NAV2: variants seen among roughly 807,000 people sequenced by gnomAD.
NAV2 encodes the protein neuron navigator 2.
In NAV2, 54 loss-of-function variants were observed where a neutral mutation model predicts 223.2. The ratio of observed to expected loss-of-function variants is 0.24; its 90% CI spans 0.19 to 0.30. The LOEUF is 0.30. Ranked by LOEUF, NAV2 falls within the 10% of genes least tolerant of loss-of-function variation. The pLI, the probability that NAV2 is intolerant of heterozygous loss-of-function variation, is 1.00. For synonymous variants in NAV2, 1,279 were observed against 1,239.3 expected, an observed-to-expected ratio of 1.03 and a Z score of -0.67; for missense variants, 2,806 against 3,147.5, an observed-to-expected ratio of 0.89 and a Z score of 2.60.
chr11:19,905,899 G>A (rs1324861530), intron 6 of NAV2, among the ~76,000 whole-genome samples: 1 of 152,134 alleles, frequency 6.6e-6, no homozygotes, highest in Admixed American at 6.5e-5. Flanking sequence ...AAACTTGTGG[G>A]AGCGAACCTT....
At chr11:19,706,159 G>A (rs998299150) in intron 1 of NAV2, among the ~76,000 whole-genome samples, 59 of 152,178 alleles carry the variant, frequency 3.9e-4, no homozygotes, top group African/African-American at 1.4e-3. Context: ...TACAGAAAGT[G>A]AAAGTAGTCA....
At chr11:19,662,435 G>T (rs1041747816) in intron 1 of NAV2, among the ~76,000 whole-genome samples, 6 of 152,210 alleles carry the variant, frequency 3.9e-5, no homozygotes, top group African/African-American at 1.4e-4. Context: ...AAACTGGTTG[G>T]CAAGGTTCAT....
At chr11:19,987,968 A>G (rs2050947233) in intron 11 of NAV2, among the ~76,000 whole-genome samples, 1 of 152,214 alleles carries the variant, frequency 6.6e-6, no homozygotes, top group South Asian at 2.1e-4. Context: ...AGAAGAAGAA[A>G]TATGGCAAGG....
chr11:19,599,896 C>T (rs1375402643), intron 1 of NAV2, among the ~76,000 whole-genome samples: 2 of 152,202 alleles, frequency 1.3e-5, no homozygotes, highest in Non-Finnish European at 2.9e-5. Context: ...TCTCAAGCCT[C>T]AATGGGTATA....
intron 1 of NAV2, among the ~76,000 whole-genome samples, chr11:19,744,233 G>T (rs1261355690): frequency 6.6e-6 from 1 of 152,166 alleles, no homozygotes; most frequent in Non-Finnish European, 1.5e-5. Flanking sequence ...AGACTTTCCA[G>T]AAAGAGACCT....
chr11:19,443,520 G>C (rs750653524), intron 1 of NAV2, among the ~76,000 whole-genome samples: 5 of 152,210 alleles, frequency 3.3e-5, no homozygotes, highest in Non-Finnish European at 7.3e-5. Context: ...CAGGTGACCT[G>C]CTGCATCTGC....
At chr11:19,697,035 A>G (rs1319192726) in intron 1 of NAV2, among the ~76,000 whole-genome samples, 1 of 152,226 alleles carries the variant, frequency 6.6e-6, no homozygotes, top group East Asian at 1.9e-4. Context: ...GAATAGGACC[A>G]CAGAAGGTGT....
chr11:19,446,455 T>G (rs965790578), intron 1 of NAV2, among the ~76,000 whole-genome samples: 2 of 152,134 alleles, frequency 1.3e-5, no homozygotes, highest in Admixed American at 1.3e-4. Context: ...AGAGGTTGTT[T>G]GGGTTTAAAT....
At chr11:19,358,306 C>T (rs763109352) in intron 1 of NAV2, among the ~76,000 whole-genome samples, 8 of 151,904 alleles carry the variant, frequency 5.3e-5, no homozygotes, top group Non-Finnish European at 8.8e-5. Context: ...AGTTCATTTG[C>T]GGGGAGGAAG....
At chr11:20,091,067 C>T (rs1350940063) in intron 27 of NAV2, 49 bp downstream of exon 27, 3 of 1,590,160 alleles carry the variant, frequency 1.9e-6, no homozygotes, top group East Asian at 2.2e-5. Flanking sequence ...TATGAAGGAG[C>T]TCCCAGAGGC....
At chr11:19,617,733 A>C (rs1392924351) in intron 1 of NAV2, among the ~76,000 whole-genome samples, 2 of 152,182 alleles carry the variant, frequency 1.3e-5, no homozygotes, top group Non-Finnish European at 2.9e-5. Flanking sequence ...TACAACAATG[A>C]TCTGGGAGGG....
intron 21 of NAV2, 56 bp downstream of exon 21, chr11:20,068,265 C>T (rs556465511): frequency 9.9e-6 from 16 of 1,608,588 alleles, no homozygotes. Context: ...ATTATTTGAC[C>T]CTGCTCACCT....
intron 1 of NAV2, among the ~76,000 whole-genome samples, chr11:19,579,603 G>A (rs1034566594): frequency 6.6e-6 from 1 of 151,992 alleles, no homozygotes; most frequent in Non-Finnish European, 1.5e-5. Flanking sequence ...TCCTCCTCTG[G>A]AAGATAGGAA....
chr11:20,101,375 G>A (rs2061624771), intron 32 of NAV2, among the ~76,000 whole-genome samples: 2 of 152,180 alleles, frequency 1.3e-5, no homozygotes, highest in African/African-American at 4.8e-5. Flanking sequence ...ATGATGCTCA[G>A]TGCTGGTAGT....
At chr11:19,940,896 A>T (rs1434465810) in intron 8 of NAV2, among the ~76,000 whole-genome samples, 1 of 152,212 alleles carries the variant, frequency 6.6e-6, no homozygotes, top group African/African-American at 2.4e-5. Context: ...TCTTTCTTTC[A>T]TATGAGTACA....
rs536928117 is a variant in NAV2 at position 20,020,952 on chromosome 11, C to T, written c.2769-15007C>T. Among the ~76,000 whole-genome samples the T allele has an allele frequency of 3.9e-5, 6 of 152,242 alleles. No individual in the cohort carries two copies. In the South Asian group the frequency reaches 1.2e-3, roughly 32 times the overall value. ...TTGCAAGTCGTATACTATCTCAGGG[C>T]CTTTGCACTGACCATTTCCTCTCTT... is the stretch of plus-strand genomic sequence containing the variant. On this transcript the variant is annotated intron_variant, in intron 11 of 37. Transcript: ENST00000349880.
chr11:19,446,312 C>T (rs558318965), intron 1 of NAV2, among the ~76,000 whole-genome samples: 7 of 152,278 alleles, frequency 4.6e-5, no homozygotes, highest in Admixed American at 1.3e-4. Flanking sequence ...TCCTAGATGC[C>T]TCCATGTTTT....
At chr11:20,080,594 A>C (rs143839546) in intron 25 of NAV2, among the ~76,000 whole-genome samples, 9 of 152,212 alleles carry the variant, frequency 5.9e-5, no homozygotes, top group African/African-American at 2.2e-4. Flanking sequence ...ATTGCTAGTT[A>C]TCCCATCTTT....
At chr11:19,711,190 T>C (rs978811159), upstream of NAV2, 1 of 152,184 alleles carries the variant, frequency 6.6e-6, no homozygotes, top group Non-Finnish European at 1.5e-5. Flanking sequence ...GAAGGTGCCT[T>C]CTCATTTCTT....
Sources: gnomAD v4.1 joint callset for allele counts (sites outside exome capture counted in the v4.1 genomes callset) on GRCh38, gnomAD v4.1.1 for gene constraint, MANE v1.5 for transcripts, NCBI Gene and HGNC (gene_info 2026-07-23, HGNC 2026-07-21) for gene names.